Variants in COL4A5 observed in about 807,000 individuals in gnomAD.
COL4A5 encodes the protein collagen alpha-5(IV) chain.
In COL4A5, 26 loss-of-function variants were observed where a neutral mutation model predicts 130.2. That is an observed-to-expected ratio of 0.20 (90% CI 0.15 to 0.28). The LOEUF is 0.28. Among genes scored for constraint, COL4A5 ranks in the 10% least tolerant of loss-of-function variants. COL4A5 has a pLI of 1.00. For missense variants in COL4A5, 1,131 were observed against 1,344.3 expected (o/e 0.84, Z 2.48); for synonymous variants, 496 against 439.6 (o/e 1.13, Z -1.60).
rs1003061954 is a variant in COL4A5 at position 108,440,070 on chromosome X, A to G, written c.-56A>G. 6 of 966,068 alleles carry G rather than the reference A, an allele frequency of 6.2e-6. No homozygotes were observed. Among genetic ancestry groups the G allele is most frequent in the Non-Finnish European group, 8.9e-6 (6 of 677,462 alleles). The allele number at this position is 966,068 out of a possible 1,213,427, so 79.6% of individuals were successfully genotyped here. On this transcript the variant is annotated 5_prime_UTR_variant, in exon 1 of 53. It removes the in-frame stop codon of an upstream open reading frame in the 5' UTR. Coordinates refer to ENST00000328300, the MANE Select transcript of COL4A5 (RefSeq NM_033380.3). ...ACCCTCAAGATTATGTCAATTGGTT[A>G]GAGCCAGCCGGGAATTTCGTGCGGG...
chrX:108,577,327 G>A (rs2066167251), intron 10 of COL4A5, among the ~76,000 whole-genome samples: 2 of 95,321 alleles, frequency 2.1e-5, no homozygotes, highest in African/African-American at 7.9e-5. Context: ...AGCCGAGATC[G>A]TTCCATTGCA....
At chrX:108,515,713 A>G (rs922414717) in intron 1 of COL4A5, among the ~76,000 whole-genome samples, 3 of 111,982 alleles carry the variant, frequency 2.7e-5, no homozygotes, top group African/African-American at 9.7e-5. Context: ...TGAGGAAGTC[A>G]TATGTTTTCT....
In COL4A5 at chrX:108,542,452, GC is replaced by G; in HGVS notation, c.141+2648del. Among the ~76,000 whole-genome samples the G allele has an allele frequency of 2.7e-5, 3 of 110,958 alleles. 1 individual carries two copies. In the Middle Eastern group the frequency reaches 0.014, roughly 516 times the overall value. On this transcript the variant is annotated intron_variant, in intron 2 of 52. Transcript: ENST00000328300. Reference sequence around the variant, plus strand: ...GGACATGAACTCATCCTTTTTTATGGCTGCATAGTATTCCATGGTGCGTATG... The same window carrying G: ...GGACATGAACTCATCCTTTTTTATGGTGCATAGTATTCCATGGTGCGTATG...
intron 42 of COL4A5, 106 bp downstream of exon 42, chrX:108,670,342 A>T: frequency 8.7e-7 from 1 of 1,151,745 alleles, no homozygotes; most frequent in Non-Finnish European, 1.2e-6. Flanking sequence ...ATATGTGCCA[A>T]TTCAATTCTT....
intron 26 of COL4A5, 70 bp from the exon 27 acceptor site, chrX:108,601,815 C>A: frequency 1.6e-6 from 1 of 632,326 alleles, no homozygotes. Context: ...CAAGAGTGAG[C>A]CACTGCACCT....
In COL4A5 at chrX:108,694,771, C is replaced by A. The variant is rs28446657; in HGVS notation, c.4707-36C>A. On this transcript the variant is annotated intron_variant, in intron 50 of 52. Coordinates refer to ENST00000328300, the MANE Select transcript of COL4A5 (RefSeq NM_033380.3). ...GATGGCTACTTCTCACATGCTCACT[C>A]TGTAGATTATGTTCCTTCTCCTTTT... 2,584 of 1,072,439 alleles carry A rather than the reference C, an allele frequency of 2.4e-3. 21 individuals are homozygous for A. Among genetic ancestry groups the A allele is most frequent in the East Asian group, 0.024 (783 of 33,125 alleles). The allele number at this position is 1,072,439 out of a possible 1,213,427, so 88.4% of individuals were successfully genotyped here.
chrX:108,684,954 C>G (rs1476224344), intron 47 of COL4A5, among the ~76,000 whole-genome samples: 1 of 112,330 alleles, frequency 8.9e-6, no homozygotes, highest in Non-Finnish European at 1.9e-5. Context: ...TCAACATACA[C>G]AAATTAATAG....
At chrX:108,469,169 C>CTT (rs529015725) in intron 1 of COL4A5, among the ~76,000 whole-genome samples, 40,828 of 77,405 alleles carry the variant, frequency 0.53, 11,351 homozygotes, top group Non-Finnish European at 0.71. Flanking sequence ...CTCTCTCTCT[C>CTT]TTTTTTTTTT....
chrX:108,559,263 A>G (rs183679025), intron 3 of COL4A5, 110 bp downstream of exon 3: 278 of 592,319 alleles, frequency 4.7e-4, no homozygotes, highest in Admixed American at 3.6e-4. Flanking sequence ...AGAAACTAAT[A>G]TGTAAATGAA....
chrX:108,662,646 C>A (rs755283211), intron 37 of COL4A5, among the ~76,000 whole-genome samples: 1 of 111,639 alleles, frequency 9.0e-6, no homozygotes, highest in Admixed American at 9.5e-5. Flanking sequence ...CCTAGGAATA[C>A]AACTTACAAG....
At chrX:108,496,679 T>A (rs1371518502) in intron 1 of COL4A5, among the ~76,000 whole-genome samples, 1 of 111,730 alleles carries the variant, frequency 9.0e-6, no homozygotes. Flanking sequence ...CTTTTATTTC[T>A]GACAGGTTCT....
chrX:108,647,172 A>G (rs1330039491), intron 36 of COL4A5, among the ~76,000 whole-genome samples: 1 of 110,834 alleles, frequency 9.0e-6, no homozygotes, highest in African/African-American at 3.3e-5. Flanking sequence ...TACCTTGGGC[A>G]GTATGGCCAT....
chrX:108,661,470 T>G (rs1038450012), intron 37 of COL4A5, among the ~76,000 whole-genome samples: 8 of 112,086 alleles, frequency 7.1e-5, no homozygotes, highest in African/African-American at 2.6e-4. Context: ...TCCCTATTTT[T>G]TACTCATTAT....
At chrX:108,440,894 CT>C (rs974751846) in intron 1 of COL4A5, among the ~76,000 whole-genome samples, 3 of 111,007 alleles carry the variant, frequency 2.7e-5, no homozygotes, top group Non-Finnish European at 3.8e-5. Context: ...TGTTTGTTTA[CT>C]TTTTTTTAAA....
chrX:108,452,575 C>T (rs2064530814), intron 1 of COL4A5, among the ~76,000 whole-genome samples: 1 of 111,675 alleles, frequency 9.0e-6, no homozygotes, highest in South Asian at 3.8e-4. Flanking sequence ...GTATTTTATT[C>T]TCTTTGAAGC....
intron 1 of COL4A5, among the ~76,000 whole-genome samples, chrX:108,477,527 G>A (rs1035771153): frequency 6.3e-5 from 7 of 111,433 alleles, no homozygotes; most frequent in African/African-American, 2.3e-4. Context: ...AAAAGAAAGA[G>A]GAAAGGCCGG....
intron 1 of COL4A5, among the ~76,000 whole-genome samples, chrX:108,487,597 T>A (rs1462981711): frequency 8.9e-6 from 1 of 111,924 alleles, no homozygotes; most frequent in Non-Finnish European, 1.9e-5. Context: ...CCAACTGATA[T>A]GTTTTCAAAG....
chrX:108,506,384 CTAT>C (rs2065124733), intron 1 of COL4A5, among the ~76,000 whole-genome samples: 8 of 109,482 alleles, frequency 7.3e-5, no homozygotes, highest in South Asian at 4.0e-4. Flanking sequence ...ATCTATCTAT[CTAT>C]CTACCTACCT....
At chrX:108,680,063 G>A (rs1029153605) in intron 44 of COL4A5, among the ~76,000 whole-genome samples, 2 of 111,937 alleles carry the variant, frequency 1.8e-5, no homozygotes, top group African/African-American at 6.5e-5. Flanking sequence ...TTCTCAACCA[G>A]GTCCATTTAT....
Sources: allele counts gnomAD v4.1 joint callset (sites outside exome capture counted in the v4.1 genomes callset), GRCh38; gene constraint gnomAD v4.1.1; transcripts MANE v1.5; gene names NCBI Gene and HGNC (gene_info 2026-07-23, HGNC 2026-07-21).